DCHS2: variants seen among roughly 807,000 people sequenced by gnomAD.
The protein encoded by DCHS2 is dachsous cadherin-related 2.
Under a neutral mutation model 182.4 loss-of-function variants are expected in DCHS2, and 142 were observed. The ratio of observed to expected loss-of-function variants is 0.78; its 90% CI spans 0.68 to 0.89. The LOEUF is 0.89. Among genes scored for constraint, DCHS2 ranks in the 40% least tolerant of loss-of-function variants. The probability of loss-of-function intolerance (pLI) is 0.00; values close to 1 mark genes in which losing one functional copy is unlikely to be tolerated. For synonymous variants in DCHS2, 1,740 were observed against 1,663.3 expected (o/e 1.05, Z -1.12); for missense variants, 4,319 against 4,198.6 (o/e 1.03, Z -0.79).
intron 1 of DCHS2, among the ~76,000 whole-genome samples, chr4:154,396,485 C>G (rs1047480459): frequency 6.6e-6 from 1 of 152,130 alleles, no homozygotes; most frequent in African/African-American, 2.4e-5. Flanking sequence ...CTGATGATGG[C>G]ATTATAACTC....
intron 3 of DCHS2, chr4:154,357,323 T>C (rs1486354962): frequency 6.2e-7 from 1 of 1,605,750 alleles, no homozygotes; most frequent in Admixed American, 1.7e-5. Context: ...GACTATAGAG[T>C]CCTAATTAGG....
chr4:154,439,262 G>T (rs1272224690), intron 1 of DCHS2, among the ~76,000 whole-genome samples: 3 of 152,146 alleles, frequency 2.0e-5, no homozygotes, highest in East Asian at 3.8e-4. Context: ...GATTTATAAA[G>T]ATGGGAGTTC....
chr4:154,442,338 T>A (rs1283936390), intron 1 of DCHS2, among the ~76,000 whole-genome samples: 1 of 152,018 alleles, frequency 6.6e-6, no homozygotes, highest in Admixed American at 6.6e-5. Context: ...AGAGTCTCAA[T>A]CCCTAGACTC....
At chr4:154,384,499 A>C (rs1485020010) in intron 1 of DCHS2, 2 of 1,561,448 alleles carry the variant, frequency 1.3e-6, no homozygotes, top group East Asian at 2.4e-5. Flanking sequence ...CTGGCCTCCA[A>C]AAAACCTCTG....
At chr4:154,288,020 A>C (rs1367827525) in intron 13 of DCHS2, among the ~76,000 whole-genome samples, 1 of 152,146 alleles carries the variant, frequency 6.6e-6, no homozygotes, top group Non-Finnish European at 1.5e-5. Context: ...GGAAGAGAAG[A>C]CTCTAAGACA....
chr4:154,438,061 C>A (rs997571210), intron 1 of DCHS2, among the ~76,000 whole-genome samples: 6 of 152,068 alleles, frequency 3.9e-5, no homozygotes, highest in Non-Finnish European at 7.4e-5. Flanking sequence ...CTCTCAGTCC[C>A]CCTGTATACT....
intron 3 of DCHS2, among the ~76,000 whole-genome samples, chr4:154,341,392 C>T (rs993350925): frequency 4.0e-5 from 6 of 149,240 alleles, no homozygotes; most frequent in Non-Finnish European, 8.9e-5. Context: ...AAAAAGAGAA[C>T]GTTTTCAAGT....
intron 13 of DCHS2, among the ~76,000 whole-genome samples, chr4:154,297,484 A>G (rs918803745): frequency 1.3e-5 from 2 of 152,354 alleles, no homozygotes; most frequent in South Asian, 2.1e-4. Context: ...GATAAAAGCT[A>G]AATTTAATTA....
chr4:154,390,375 T>C (rs557188032), intron 1 of DCHS2, among the ~76,000 whole-genome samples: 9 of 151,348 alleles, frequency 5.9e-5, no homozygotes, highest in South Asian at 2.1e-4. Context: ...GTTTGGTTTT[T>C]TGTTCTTGCG....
chr4:154,390,111 A>AT (rs1246771918), intron 1 of DCHS2, among the ~76,000 whole-genome samples: 2 of 148,168 alleles, frequency 1.3e-5, no homozygotes, highest in Admixed American at 6.7e-5. Context: ...AAATTTTTTT[A>AT]TTTTTTTTCT....
intron 13 of DCHS2, among the ~76,000 whole-genome samples, chr4:154,281,190 C>T (rs1734127531): frequency 1.3e-5 from 2 of 150,606 alleles, no homozygotes; most frequent in South Asian, 4.2e-4. Flanking sequence ...AGCAATTAGA[C>T]AAGAGAAAGA....
At chr4:154,323,946 G>T (rs1736181242) in intron 7 of DCHS2, among the ~76,000 whole-genome samples, 1 of 151,776 alleles carries the variant, frequency 6.6e-6, no homozygotes, top group Non-Finnish European at 1.5e-5. Context: ...AATATGCACT[G>T]CATTCTGGTT....
chr4:154,422,225 CA>C (rs1185630632), intron 1 of DCHS2, among the ~76,000 whole-genome samples: 1 of 152,184 alleles, frequency 6.6e-6, no homozygotes, highest in African/African-American at 2.4e-5. Flanking sequence ...CCCATGATCT[CA>C]AGCCCATACG....
At chr4:154,464,493 T>A (rs1341146251) in intron 1 of DCHS2, among the ~76,000 whole-genome samples, 1 of 152,152 alleles carries the variant, frequency 6.6e-6, no homozygotes, top group African/African-American at 2.4e-5. Flanking sequence ...TATATGTTTA[T>A]GGAATATATT....
intron 10 of DCHS2, among the ~76,000 whole-genome samples, chr4:154,308,163 C>T (rs1316994370): frequency 6.6e-6 from 1 of 151,702 alleles, no homozygotes; most frequent in African/African-American, 2.4e-5. Context: ...TCTACAGTGA[C>T]CAATGACCTT....
rs374018766 is a variant in DCHS2 at position 154,489,664 on chromosome 4, G to T, written c.1692C>A (p.Ser564=). The T allele has an allele frequency of 1.2e-4, 186 of 1,551,528 alleles. No individual in the cohort carries two copies. Among genetic ancestry groups the T allele is most frequent in the Non-Finnish European group, 1.6e-4 (180 of 1,146,964 alleles). The change falls in exon 1 of 20, where the codon TCC becomes TCA. Residue 564 remains serine (S), a synonymous_variant. Transcript: ENST00000357232. The part of the protein sequence containing the change: ...PGTVVMWVSA[S]DADEAGSDHA... ...GATCACTGCCTGCCTCGTCGGCATC[G>T]GAGGCGCTGACCCACATGACTACAG...
At chr4:154,328,893 T>TGGA in intron 6 of DCHS2, among the ~76,000 whole-genome samples, 1 of 152,240 alleles carries the variant, frequency 6.6e-6, no homozygotes, top group East Asian at 1.9e-4. Context: ...TCTGGAACAG[T>TGGA]AGCTTCTAAA....
intron 1 of DCHS2, among the ~76,000 whole-genome samples, chr4:154,441,731 G>C (rs1019884930): frequency 2.6e-5 from 3 of 116,510 alleles, no homozygotes; most frequent in Admixed American, 9.5e-5. Flanking sequence ...CCATTTATTA[G>C]GCTTTTTTTT....
In DCHS2 at chr4:154,367,825, T is replaced by A. The variant is rs531039549; in HGVS notation, c.2245-1384A>T. Among the ~76,000 whole-genome samples the A allele has an allele frequency of 3.5e-4, 53 of 152,108 alleles. No individual in the cohort carries two copies. The Middle Eastern group carries it at 0.01, about 29-fold the overall frequency. ...AGGGACAGAGGGAGAACTGCTGCCATGCAGAGAGGAAGCACTTGTTGACAG... is the reference window on the plus strand; with the variant it reads ...AGGGACAGAGGGAGAACTGCTGCCAAGCAGAGAGGAAGCACTTGTTGACAG... On this transcript the variant is annotated intron_variant, in intron 2 of 19. Coordinates refer to ENST00000357232, the MANE Select transcript of DCHS2 (RefSeq NM_001358235.2).
Sources: gnomAD v4.1 joint callset for allele counts (sites outside exome capture counted in the v4.1 genomes callset) on GRCh38, gnomAD v4.1.1 for gene constraint, MANE v1.5 for transcripts, NCBI Gene and HGNC (gene_info 2026-07-23, HGNC 2026-07-21) for gene names.